The following MMP28 variants were observed in gnomAD, a reference collection of about 807,000 sequenced individuals.
MMP28 encodes matrix metallopeptidase 28, also known as matrix metalloproteinase-28.
MMP28 carries 55 observed loss-of-function variants against 60.5 expected under a neutral mutation model. The ratio of observed to expected loss-of-function variants is 0.91; its 90% CI spans 0.73 to 1.14. MMP28 has a LOEUF of 1.14. Among genes scored for constraint, MMP28 ranks in the 50% most tolerant of loss-of-function variants. The pLI, the probability that MMP28 is intolerant of heterozygous loss-of-function variation, is 0.00. For missense variants in MMP28, 686 were observed against 738.3 expected (o/e 0.93, Z 0.82); for synonymous variants, 318 against 312.5 (o/e 1.02, Z -0.18).
At chr17:35,771,259 T>C (rs568610004) in intron 4 of MMP28, among the ~76,000 whole-genome samples, 23 of 151,942 alleles carry the variant, frequency 1.5e-4, no homozygotes, top group Non-Finnish European at 2.5e-4. Flanking sequence ...GGTGAAACCC[T>C]GTCTCTACTA....
At chr17:35,775,707 G>C (rs2086305682) in intron 3 of MMP28, among the ~76,000 whole-genome samples, 1 of 152,192 alleles carries the variant, frequency 6.6e-6, no homozygotes, top group Non-Finnish European at 1.5e-5. Context: ...GCAATGTGGA[G>C]CTGCTGGGCG....
In MMP28 at chr17:35,766,160, G is replaced by T; in HGVS notation, c.*340C>A. ...TGCTGAGTTTTTCATCCCCCTGCTT[G>T]GATCCCAGTGCTGTTACCTCTTGAA... On this transcript the variant is annotated 3_prime_UTR_variant, in exon 8 of 8. Transcript: ENST00000605424. The surrounding 1 kb of genome is among the most constrained non-coding windows in gnomAD (Gnocchi z 4.3). The T allele has an allele frequency of 9.3e-7, 1 of 1,075,668 alleles. No homozygotes were observed. Among genetic ancestry groups the T allele is most frequent in the Non-Finnish European group, 1.1e-6 (1 of 887,998 alleles). The allele number at this position is 1,075,668 out of a possible 1,614,324, so 66.6% of individuals were successfully genotyped here.
intron 1 of MMP28, among the ~76,000 whole-genome samples, chr17:35,788,731 G>A (rs1433540439): frequency 6.6e-6 from 1 of 152,122 alleles, no homozygotes; most frequent in Non-Finnish European, 1.5e-5. Context: ...CTGGCACACT[G>A]GGAGTAGCTA....
downstream of MMP28, among the ~76,000 whole-genome samples, chr17:35,762,636 T>C (rs587646645): frequency 1.1e-4 from 16 of 152,212 alleles, no homozygotes; most frequent in East Asian, 5.8e-4. Context: ...CTTTTCCCAA[T>C]TGGTCTGCCC....
intron 1 of MMP28, among the ~76,000 whole-genome samples, chr17:35,786,422 T>C (rs923405200): frequency 6.6e-6 from 1 of 152,166 alleles, no homozygotes; most frequent in African/African-American, 2.4e-5. Flanking sequence ...AAATTAAGAA[T>C]TTAAAAATTG....
Position 35,779,023 on chromosome 17 carries a change from T to A in MMP28, c.244A>T (p.Thr82Ser). 1.2e-6 allele frequency: 2 copies of A among 1,613,982 alleles called. No individual in the cohort carries two copies. The highest frequency in any genetic ancestry group is 1.7e-6 in the Non-Finnish European group (2 of 1,179,890). The part of the protein sequence containing the change: ...LPVSGVLDRA[T>S]LRQMTRPRCG... ...CGGGGACGAGTCATCTGGCGCAGGGTGGCGCGGTCCAACACGCCGCTGACA... is the reference window on the plus strand; with the variant it reads ...CGGGGACGAGTCATCTGGCGCAGGGAGGCGCGGTCCAACACGCCGCTGACA... The change falls in exon 3 of 8, where the codon ACC becomes TCC. Residue 82 changes from threonine (T) to serine (S), a missense_variant. Transcript: ENST00000605424.
At chr17:35,777,304 G>T (rs528696549) in intron 3 of MMP28, among the ~76,000 whole-genome samples, 1 of 152,234 alleles carries the variant, frequency 6.6e-6, no homozygotes, top group African/African-American at 2.4e-5. Context: ...CCTCTCCATT[G>T]CCCAGAAACA....
At chr17:35,778,219 A>G (rs2086390019) in intron 3 of MMP28, among the ~76,000 whole-genome samples, 1 of 152,206 alleles carries the variant, frequency 6.6e-6, no homozygotes, top group African/African-American at 2.4e-5. Flanking sequence ...TGTAATGTGT[A>G]AACTGTGCTA....
At chr17:35,776,117 G>A (rs761354790) in intron 3 of MMP28, among the ~76,000 whole-genome samples, 1 of 151,696 alleles carries the variant, frequency 6.6e-6, no homozygotes, top group Admixed American at 6.6e-5. Context: ...CTCATGATCT[G>A]CCCGCCTCGT....
In MMP28 at chr17:35,766,060, C is replaced by G; in HGVS notation, c.*440G>C. ...GGGTGGGGCCTCTGACTAAATATGA[C>G]ACCGTTTTTCAAGAACTGAGCCAGG... is the stretch of plus-strand genomic sequence containing the variant. On this transcript the variant is annotated 3_prime_UTR_variant, in exon 8 of 8. Transcript: ENST00000605424. The surrounding 1 kb of genome is among the most constrained non-coding windows in gnomAD (Gnocchi z 4.3). The G allele has an allele frequency of 1.0e-6, 1 of 990,612 alleles. No individual in the cohort carries two copies. Among genetic ancestry groups the G allele is most frequent in the African/African-American group, 1.7e-5 (1 of 57,462 alleles). The allele number at this position is 990,612 out of a possible 1,614,324, so 61.4% of individuals were successfully genotyped here.
At chr17:35,763,897 A>AAAAAAAATAAATAAAT (rs373521587), downstream of MMP28, 14 of 654,402 alleles carry the variant, frequency 2.1e-5, no homozygotes, top group African/African-American at 2.7e-4. Context: ...ACCCTGTCTC[A>AAAAAAAATAAATAAAT]AAATAAATAA....
At position 35,792,413 on chromosome 17, in the gene MMP28, G is replaced by A. The variant is rs188235121; in HGVS notation, c.111+2854C>T. On this transcript the variant is annotated intron_variant, in intron 1 of 7. Coordinates refer to ENST00000605424, the MANE Select transcript of MMP28 (RefSeq NM_024302.5). ...TAGGTCCATGTGAAAAATAACTGAG[G>A]CCACCAGCCAACAGCCAGCATCGAC... Among the ~76,000 whole-genome samples, 197 of 152,238 alleles carry A rather than the reference G, an allele frequency of 1.3e-3. 1 individual carries two copies. Among genetic ancestry groups the A allele is most frequent in the African/African-American group, 4.5e-3 (185 of 41,528 alleles).
chr17:35,764,076 G>A, downstream of MMP28: 1 of 1,550,270 alleles, frequency 6.5e-7, no homozygotes, highest in East Asian at 2.4e-5. Flanking sequence ...CAAGAGGAAG[G>A]GAAGGAGGGG....
At chr17:35,778,259 T>C (rs1341073012) in intron 3 of MMP28, among the ~76,000 whole-genome samples, 5 of 152,040 alleles carry the variant, frequency 3.3e-5, no homozygotes, top group Non-Finnish European at 5.9e-5. Flanking sequence ...GGCAAATCCA[T>C]TGAGACAGAA....
intron 5 of MMP28, among the ~76,000 whole-genome samples, chr17:35,768,637 C>CTT (rs2086020868): frequency 6.6e-6 from 1 of 152,086 alleles, no homozygotes; most frequent in Non-Finnish European, 1.5e-5. Context: ...TGGTGAAACC[C>CTT]TGTCTGTACT....
chr17:35,772,947 T>G (rs1409325720), intron 4 of MMP28, among the ~76,000 whole-genome samples: 1 of 152,210 alleles, frequency 6.6e-6, no homozygotes, highest in Non-Finnish European at 1.5e-5. Context: ...CTTGAGAATT[T>G]GCAAAGCACT....
intron 1 of MMP28, among the ~76,000 whole-genome samples, chr17:35,786,176 C>T (rs1555610446): frequency 6.6e-6 from 1 of 151,968 alleles, no homozygotes; most frequent in East Asian, 1.9e-4. Flanking sequence ...CTTGCCTCAG[C>T]CTCTCGAGTA....
chr17:35,757,287 T>C (rs1446587546), intron 2 of MMP28: 1 of 152,184 alleles, frequency 6.6e-6, no homozygotes, highest in Non-Finnish European at 1.5e-5. Flanking sequence ...AGGACAATCT[T>C]GACAACCCTC....
chr17:35,782,819 A>ATT (rs61495785), intron 1 of MMP28, among the ~76,000 whole-genome samples: 8 of 148,948 alleles, frequency 5.4e-5, no homozygotes, highest in African/African-American at 1.5e-4. Context: ...GGGACAAATT[A>ATT]TTTTTTTTTT....
Sources: allele counts gnomAD v4.1 joint callset (sites outside exome capture counted in the v4.1 genomes callset), GRCh38; gene constraint gnomAD v4.1.1; non-coding constraint Gnocchi (gnomAD v3.1); transcripts MANE v1.5; gene names NCBI Gene and HGNC (gene_info 2026-07-23, HGNC 2026-07-21).